RELN: variants seen among roughly 807,000 people sequenced by gnomAD.
RELN encodes the protein reelin.
Under a neutral mutation model 427.6 loss-of-function variants are expected in RELN, and 108 were observed. The observed-to-expected ratio is 0.25, with a 90% CI of 0.22 to 0.30. The LOEUF is 0.30. Among genes scored for constraint, RELN ranks in the 10% least tolerant of loss-of-function variants. The probability of loss-of-function intolerance (pLI) is 1.00; values close to 1 mark genes in which losing one functional copy is unlikely to be tolerated. For synonymous variants in RELN, 1,524 were observed against 1,513.4 expected, an observed-to-expected ratio of 1.01 and a Z score of -0.16; for missense variants, 3,715 against 4,302.8, an observed-to-expected ratio of 0.86 and a Z score of 3.82.
In RELN at chr7:103,627,295, T is replaced by A. The variant is rs141340803; in HGVS notation, c.2702+2645A>T. Among the ~76,000 whole-genome samples, 186 of 152,258 alleles carry A rather than the reference T, an allele frequency of 1.2e-3. 3 individuals carry two copies. Among genetic ancestry groups the A allele is most frequent in the African/African-American group, 4.3e-3 (180 of 41,564 alleles). On this transcript the variant is annotated intron_variant, in intron 20 of 64. Transcript: ENST00000428762. ...CTCCAAAGGTTTTACATTTAAAAAA[T>A]GACAGCTTGTTTTAGGACTATGAGA...
At chr7:103,903,504 G>C (rs1182016580) in intron 2 of RELN, among the ~76,000 whole-genome samples, 1 of 152,052 alleles carries the variant, frequency 6.6e-6, no homozygotes, top group Non-Finnish European at 1.5e-5. Flanking sequence ...ATAAAGTTAT[G>C]CTTTGCCAAG....
intron 1 of RELN, among the ~76,000 whole-genome samples, chr7:103,947,559 T>C (rs1796245659): frequency 6.6e-6 from 1 of 152,192 alleles, no homozygotes; most frequent in African/African-American, 2.4e-5. Flanking sequence ...ATTTATTGTC[T>C]CACAGCTCTA....
intron 3 of RELN, among the ~76,000 whole-genome samples, chr7:103,778,193 C>G (rs1260704495): frequency 6.6e-6 from 1 of 152,172 alleles, no homozygotes; most frequent in Non-Finnish European, 1.5e-5. Flanking sequence ...CCTAGAGGCT[C>G]TCTAATCAGT....
chr7:103,678,883 A>G (rs1240758900), intron 11 of RELN, among the ~76,000 whole-genome samples: 3 of 152,202 alleles, frequency 2.0e-5, no homozygotes, highest in Non-Finnish European at 2.9e-5. Context: ...TGAGCTTACC[A>G]TGATAGATTG....
intron 36 of RELN, 97 bp from the exon 37 acceptor site, chr7:103,558,146 A>G (rs1027287931): frequency 2.9e-6 from 2 of 685,930 alleles, no homozygotes; most frequent in Middle Eastern, 2.9e-4. Flanking sequence ...CTAAGTAATA[A>G]ATACATATCA....
At chr7:103,956,249 G>C (rs1378933885) in intron 1 of RELN, among the ~76,000 whole-genome samples, 1 of 152,178 alleles carries the variant, frequency 6.6e-6, no homozygotes, top group Non-Finnish European at 1.5e-5. Context: ...GCTGATGGTA[G>C]TCAAGAGAGT....
At chr7:103,617,588 C>CAT (rs761790013) in intron 20 of RELN, among the ~76,000 whole-genome samples, 18 of 149,384 alleles carry the variant, frequency 1.2e-4, no homozygotes, top group South Asian at 2.1e-4. Context: ...ATATTCCTTT[C>CAT]ATATATATAT....
intron 3 of RELN, among the ~76,000 whole-genome samples, chr7:103,817,934 T>A (rs1008972451): frequency 1.5e-5 from 1 of 65,824 alleles, no homozygotes; most frequent in Non-Finnish European, 2.6e-5. Context: ...TAAGACTCCA[T>A]CTCAAAAAAA....
At chr7:103,648,021 C>T (rs1004054026) in intron 16 of RELN, among the ~76,000 whole-genome samples, 1 of 151,870 alleles carries the variant, frequency 6.6e-6, no homozygotes, top group African/African-American at 2.4e-5. Context: ...GAAACTGGAC[C>T]CATATCTCTT....
At chr7:103,556,048 A>G (rs1175503257) in intron 38 of RELN, among the ~76,000 whole-genome samples, 2 of 152,194 alleles carry the variant, frequency 1.3e-5, no homozygotes, top group African/African-American at 4.8e-5. Flanking sequence ...AGAAATATAG[A>G]AAGCAATAAA....
intron 36 of RELN, 133 bp downstream of exon 36, chr7:103,561,399 G>T: frequency 3.7e-6 from 3 of 813,396 alleles, no homozygotes; most frequent in South Asian, 1.4e-5. Flanking sequence ...CATGGTTTGG[G>T]CTAAAAGTCA....
chr7:103,945,292 C>T (rs1193395230), intron 1 of RELN, among the ~76,000 whole-genome samples: 1 of 152,150 alleles, frequency 6.6e-6, no homozygotes, highest in Admixed American at 6.5e-5. Context: ...ATTCCCTTAC[C>T]TAGGATCAGT....
rs118112839 is a variant in RELN at position 103,577,701 on chromosome 7, G to A, written c.4146-1996C>T. Among the ~76,000 whole-genome samples the A allele has an allele frequency of 9.9e-3, 1,509 of 152,244 alleles. 9 individuals carry two copies. Among genetic ancestry groups the A allele is most frequent in the Non-Finnish European group, 0.017 (1,163 of 68,030 alleles). On this transcript the variant is annotated intron_variant, in intron 28 of 64. Coordinates refer to ENST00000428762, the MANE Select transcript of RELN (RefSeq NM_005045.4). ...ATGGAATTAATGTACACCAGCATTT[G>A]TCAACTACTCTTAAGGAAAATGTTA...
chr7:103,699,825 A>G (rs1834054201), intron 9 of RELN, among the ~76,000 whole-genome samples: 1 of 152,158 alleles, frequency 6.6e-6, no homozygotes, highest in Non-Finnish European at 1.5e-5. Flanking sequence ...AGCTTGTATC[A>G]GATGCCTATA....
intron 46 of RELN, among the ~76,000 whole-genome samples, chr7:103,530,770 G>C (rs758878382): frequency 3.3e-5 from 5 of 151,960 alleles, no homozygotes; most frequent in Non-Finnish European, 7.4e-5. Context: ...TCAAGGCCAG[G>C]GCCCATCTCT....
chr7:103,472,876 G>A lies in RELN; in HGVS notation c.10319C>T (p.Ser3440Leu), dbSNP rs921150418. ...GAAATGTCTGAGCCCATGTTGTCGT[G>A]AAAAATTCATCATGTAATTTTGTTT... ...TRKQNYMMNF[S>L]RQHGLRHFYN... Residue 3440 changes from serine to leucine, a missense_variant, in exon 65 of 65, where the codon TCA becomes TTA. Transcript: ENST00000428762. The A allele has an allele frequency of 1.2e-6, 2 of 1,613,772 alleles. No homozygotes were observed. Among genetic ancestry groups the A allele is most frequent in the Non-Finnish European group, 1.7e-6 (2 of 1,179,848 alleles).
At chr7:103,770,424 T>A (rs963763181) in intron 4 of RELN, among the ~76,000 whole-genome samples, 1 of 152,106 alleles carries the variant, frequency 6.6e-6, no homozygotes, top group Non-Finnish European at 1.5e-5. Flanking sequence ...TGTAACCTCC[T>A]CTTCTTGAGA....
At chr7:103,570,175 TCAGGGAAATCTGCATCA>T (rs542382690) in intron 31 of RELN, among the ~76,000 whole-genome samples, 2,501 of 152,294 alleles carry the variant, frequency 0.016, 32 homozygotes, top group Non-Finnish European at 0.025. Flanking sequence ...AAAAGGATCC[TCAGGGAAATCTGCATCA>T]CAGGGCAGAA....
chr7:103,777,483 A>G (rs1791773636), intron 3 of RELN, among the ~76,000 whole-genome samples: 1 of 152,200 alleles, frequency 6.6e-6, no homozygotes, highest in Non-Finnish European at 1.5e-5. Context: ...GTTTTAGCCA[A>G]AACCATCCTA....
Sources: allele counts gnomAD v4.1 joint callset (sites outside exome capture counted in the v4.1 genomes callset), GRCh38; gene constraint gnomAD v4.1.1; transcripts MANE v1.5; gene names NCBI Gene and HGNC (gene_info 2026-07-23, HGNC 2026-07-21).